Variants in BTD observed in about 807,000 individuals in gnomAD.
BTD encodes biotinidase, also known as biocytinase.
Under a neutral mutation model 17.7 loss-of-function variants are expected in BTD, and 13 were observed. The observed-to-expected ratio is 0.74, with a 90% CI of 0.48 to 1.17. The LOEUF is 1.17. Ranked by LOEUF, BTD falls within the 50% of genes most tolerant of loss-of-function variation. The pLI, the probability that BTD is intolerant of heterozygous loss-of-function variation, is 0.00. For synonymous variants in BTD, 240 were observed against 245.2 expected (o/e 0.98, Z 0.20); for missense variants, 674 against 650.4 (o/e 1.04, Z -0.39).
chr3:15,639,813 A>G (rs2065450090), intron 2 of BTD, among the ~76,000 whole-genome samples: 1 of 152,214 alleles, frequency 6.6e-6, no homozygotes. Context: ...TAAGAACTTA[A>G]AAGTTTAATT....
chr3:15,626,797 A>AG (rs1553650662), intron 1 of BTD, among the ~76,000 whole-genome samples: 3 of 138,010 alleles, frequency 2.2e-5, no homozygotes, highest in East Asian at 2.5e-4. Context: ...AAAAAAAAAG[A>AG]AAAGAAAAGA....
chr3:15,607,844 G>A (rs73030395), intron 1 of BTD, among the ~76,000 whole-genome samples: 15,087 of 152,188 alleles, frequency 0.099, 951 homozygotes, highest in East Asian at 0.34. Context: ...AAACTGTACA[G>A]CCGGAAATGT....
chr3:15,618,495 G>T (rs896785143), intron 1 of BTD, among the ~76,000 whole-genome samples: 2 of 152,014 alleles, frequency 1.3e-5, no homozygotes, highest in African/African-American at 4.8e-5. Flanking sequence ...CATATGTAGG[G>T]TACGAATATA....
chr3:15,677,053 G>T lies in BTD; in HGVS notation c.400-33007G>T. 1.9e-6 allele frequency: 3 copies of T among 1,612,534 alleles called. No individual in the cohort carries two copies. In the South Asian group the frequency reaches 3.3e-5, roughly 18 times the overall value. Reference sequence around the variant, plus strand: ...AGTATTAACAAGGCACTAGTTTCATGACCCTATAATTGTGGCAGATAAGTT... The same window carrying T: ...AGTATTAACAAGGCACTAGTTTCATTACCCTATAATTGTGGCAGATAAGTT... On this transcript the variant is annotated intron_variant, in intron 3 of 3. Coordinates refer to the BTD transcript ENST00000672141.
At position 15,646,507 on chromosome 3, in the gene BTD, A is replaced by G. The variant is rs888729153; in HGVS notation, c.*1019A>G. ...TTATTCAATCACCCAACAGGCACAG[A>G]GCAGGAGCTTCCCATGTTAGGAATT... On this transcript the variant is annotated 3_prime_UTR_variant, in exon 4 of 4. Coordinates refer to ENST00000643237, the MANE Select transcript of BTD (RefSeq NM_001370658.1). 6.6e-6 allele frequency: 1 copy of G among 152,236 alleles called. No individual in the cohort carries two copies. The highest frequency in any genetic ancestry group is 1.5e-5 in the Non-Finnish European group (1 of 68,040). 9.4% of individuals were successfully genotyped at this position (152,236 alleles called of 1,614,324 possible).
intron 3 of BTD, chr3:15,690,133 G>C: frequency 6.2e-7 from 1 of 1,610,482 alleles, no homozygotes; most frequent in Non-Finnish European, 8.5e-7. Flanking sequence ...GCAAGATCTA[G>C]GGGTGTTCTT....
intron 3 of BTD, among the ~76,000 whole-genome samples, chr3:15,696,879 A>T (rs1003536621): frequency 5.3e-5 from 8 of 152,180 alleles, no homozygotes; most frequent in Admixed American, 2.6e-4. Flanking sequence ...AACTGTATGG[A>T]GATTCCTTAA....
intron 1 of BTD, among the ~76,000 whole-genome samples, chr3:15,623,402 G>A (rs768654688): frequency 1.3e-5 from 2 of 152,170 alleles, no homozygotes; most frequent in Non-Finnish European, 2.9e-5. Context: ...CTTTTAAAGT[G>A]ATTATTGATA....
At chr3:15,679,967 T>C (rs1192915104) in intron 3 of BTD, among the ~76,000 whole-genome samples, 1 of 152,176 alleles carries the variant, frequency 6.6e-6, no homozygotes, top group East Asian at 1.9e-4. Context: ...TGATTTAAAG[T>C]ATAGCAGAGA....
chr3:15,617,065 C>T (rs968334634), intron 1 of BTD, among the ~76,000 whole-genome samples: 1 of 152,170 alleles, frequency 6.6e-6, no homozygotes, highest in Non-Finnish European at 1.5e-5. Flanking sequence ...AACCTCTTGA[C>T]CTCGTGATCT....
intron 1 of BTD, among the ~76,000 whole-genome samples, chr3:15,605,245 TGAA>T (rs2064411193): frequency 2.0e-5 from 3 of 152,152 alleles, no homozygotes; most frequent in East Asian, 3.9e-4. Context: ...TGGTGGAAGA[TGAA>T]GGAGGAGCAA....
chr3:15,686,490 A>G, intron 3 of BTD: 1 of 605,002 alleles, frequency 1.7e-6, no homozygotes, highest in Non-Finnish European at 2.9e-6. Context: ...AAGCTGGAAT[A>G]AATGTGAATT....
downstream of BTD, among the ~76,000 whole-genome samples, chr3:15,655,949 C>T (rs2065867076): frequency 1.3e-5 from 2 of 152,152 alleles, no homozygotes; most frequent in Middle Eastern, 3.4e-3. Flanking sequence ...ATTACAGGCT[C>T]CTGCCACCAT....
At chr3:15,643,982 A>G (rs1367666670) in intron 3 of BTD, among the ~76,000 whole-genome samples, 1 of 125,060 alleles carries the variant, frequency 8.0e-6, no homozygotes, top group Non-Finnish European at 1.5e-5. Context: ...TTATTTATTT[A>G]TTTATTTATT....
intron 1 of BTD, among the ~76,000 whole-genome samples, chr3:15,627,928 G>A (rs931994995): frequency 2.0e-5 from 3 of 152,060 alleles, no homozygotes; most frequent in Non-Finnish European, 4.4e-5. Context: ...CACCATGTTG[G>A]CTAGGCTGGT....
intron 3 of BTD, among the ~76,000 whole-genome samples, chr3:15,709,312 G>T (rs901033261): frequency 1.2e-4 from 18 of 152,112 alleles, no homozygotes; most frequent in Admixed American, 1.0e-3. Context: ...TTGGAGAAAG[G>T]AGAACTGTAT....
chr3:15,659,574 A>C (rs550956012), intron 3 of BTD, among the ~76,000 whole-genome samples: 2 of 152,330 alleles, frequency 1.3e-5, no homozygotes, highest in South Asian at 4.1e-4. Flanking sequence ...CATGTTTAAA[A>C]CTGTCTTGAC....
downstream of BTD, chr3:15,714,619 A>T: frequency 6.2e-7 from 1 of 1,600,654 alleles, no homozygotes; most frequent in Non-Finnish European, 8.5e-7. Context: ...TCTACCGTGG[A>T]GAGCAGTCAT....
chr3:15,712,167 C>T, exon 4 of BTD: 1 of 1,583,628 alleles, frequency 6.3e-7, no homozygotes. Flanking sequence ...CTGCAGCAAT[C>T]TGAAAAGCCG....
Sources: allele counts gnomAD v4.1 joint callset (sites outside exome capture counted in the v4.1 genomes callset), GRCh38; gene constraint gnomAD v4.1.1; transcripts MANE v1.5; gene names NCBI Gene and HGNC (gene_info 2026-07-23, HGNC 2026-07-21).